C2CD5: variants seen among roughly 807,000 people sequenced by gnomAD.
C2CD5 encodes C2 domain-containing protein 5.
Under a neutral mutation model 130.3 loss-of-function variants are expected in C2CD5, and 109 were observed. That is an observed-to-expected ratio of 0.84 (90% CI 0.72 to 0.98). The LOEUF (loss-of-function observed/expected upper bound fraction) is 0.98. Ranked by LOEUF, C2CD5 falls within the 50% of genes least tolerant of loss-of-function variation. The probability of loss-of-function intolerance (pLI) is 0.00; values close to 1 mark genes in which losing one functional copy is unlikely to be tolerated. For missense variants in C2CD5, 996 were observed against 1,261.8 expected (o/e 0.79, Z 3.19); for synonymous variants, 454 against 429.2 (o/e 1.06, Z -0.71).
chr12:22,530,550 C>T (rs1951180425), intron 3 of C2CD5, among the ~76,000 whole-genome samples: 1 of 151,756 alleles, frequency 6.6e-6, no homozygotes, highest in Non-Finnish European at 1.5e-5. Context: ...CTCTGCCTCC[C>T]AGGTTCAAGC....
intron 6 of C2CD5, 141 bp downstream of exon 6, chr12:22,524,330 AG>A: frequency 1.5e-6 from 1 of 657,124 alleles, no homozygotes. Flanking sequence ...AAGTGTGTTC[AG>A]GAAGACTGGC....
intron 16 of C2CD5, among the ~76,000 whole-genome samples, chr12:22,474,178 A>C (rs1356072025): frequency 6.6e-6 from 1 of 152,160 alleles, no homozygotes; most frequent in South Asian, 2.1e-4. Context: ...AGAAAAATCT[A>C]TCTCTTTGGG....
chr12:22,449,790 T>C lies in C2CD5; in HGVS notation c.3126A>G (p.Ser1042=), dbSNP rs1420677148. The C allele has an allele frequency of 1.9e-6, 3 of 1,607,516 alleles. No homozygotes were observed. Among genetic ancestry groups the C allele is most frequent in the Non-Finnish European group, 2.6e-6 (3 of 1,175,262 alleles). Residue 1042 remains serine, a synonymous_variant, in exon 27 of 27, where the codon TCA becomes TCG. Coordinates refer to ENST00000446597, the MANE Select transcript of C2CD5 (RefSeq NM_001286176.2). ...TTGTAACTTCGCCTTCAGTACATGATGACTGGCAGTTGGTAGTAGGTTGCT... is the reference window on the plus strand; with the variant it reads ...TTGTAACTTCGCCTTCAGTACATGACGACTGGCAGTTGGTAGTAGGTTGCT... The part of the protein sequence containing the change: ...SSQQPTTNCQ[S]SCTEGEVTT
At chr12:22,519,086 C>T in intron 7 of C2CD5, 1 of 1,527,156 alleles carries the variant, frequency 6.5e-7, no homozygotes, top group South Asian at 1.2e-5. Flanking sequence ...CTGCATCTCC[C>T]CAGCTCTGGA....
At chr12:22,515,227 G>T (rs894339323) in intron 8 of C2CD5, 3 of 480,498 alleles carry the variant, frequency 6.2e-6, no homozygotes, top group Non-Finnish European at 8.1e-6. Flanking sequence ...AAGCAATGAT[G>T]AGGCAAAATA....
At chr12:22,504,390 C>T (rs1269184120) in intron 10 of C2CD5, among the ~76,000 whole-genome samples, 1 of 151,734 alleles carries the variant, frequency 6.6e-6, no homozygotes, top group East Asian at 1.9e-4. Context: ...CAACCTCCGC[C>T]TCCCGGTTTC....
intron 14 of C2CD5, among the ~76,000 whole-genome samples, chr12:22,481,430 G>A (rs1944689141): frequency 6.6e-6 from 1 of 152,124 alleles, no homozygotes; most frequent in East Asian, 1.9e-4. Flanking sequence ...TAGAAAATGA[G>A]AGAATTTCCA....
At position 22,472,747 on chromosome 12, in the gene C2CD5, A is replaced by G. The variant is rs1186369292; in HGVS notation, c.2104T>C (p.Ser702Pro). The G allele has an allele frequency of 1.3e-6, 2 of 1,546,974 alleles. No homozygotes were observed. The highest frequency in any genetic ancestry group is 1.8e-6 in the Non-Finnish European group (2 of 1,119,716). ...CAAAGATAACTTTTTTGTTCACCTGAAGGAGGAGGAACATCAGTAAGTAGA... is the reference window on the plus strand; with the variant it reads ...CAAAGATAACTTTTTTGTTCACCTGGAGGAGGAGGAACATCAGTAAGTAGA... The part of the protein sequence containing the change: ...HSLLTDVPPP[S>P]GFYSCNTEIM... Residue 702 changes from serine to proline, a missense_variant, in exon 17 of 27, where the codon TCA (serine) becomes CCA (proline). Ser to Pro is a moderately conservative substitution (Grantham distance 74). This residue lies in a region of C2CD5 where 590 missense variants were observed against 631.4 expected (regional missense o/e 0.93). Transcript: ENST00000446597.
chr12:22,471,265 C>T (rs1942983256), intron 20 of C2CD5, 134 bp downstream of exon 20: 5 of 614,632 alleles, frequency 8.1e-6, no homozygotes, highest in Non-Finnish European at 1.4e-5. Context: ...CTAATGCATA[C>T]TAACATATAT....
rs1472237626 is a variant in C2CD5, at chr12:22,527,330, A to ATATTT, written c.349+390_349+391insAAATA. 7.3e-3 allele frequency among the ~76,000 whole-genome samples: 1,002 copies of ATATTT among 138,120 alleles called. 24 individuals carry two copies. Among genetic ancestry groups the ATATTT allele is most frequent in the African/African-American group, 0.027 (958 of 35,616 alleles). 90.6% of individuals were successfully genotyped at this position (138,120 alleles called of 152,430 possible). ...ATATATTATATACATATATATATAT[A>ATATTT]TTTTTTTTTTTTTTTTTTGAGCTAG... On this transcript the variant is annotated intron_variant, in intron 4 of 26. Coordinates refer to ENST00000446597, the MANE Select transcript of C2CD5 (RefSeq NM_001286176.2).
intron 25 of C2CD5, among the ~76,000 whole-genome samples, chr12:22,454,347 C>G (rs1939345665): frequency 1.3e-5 from 2 of 152,136 alleles, no homozygotes; most frequent in Admixed American, 1.3e-4. Flanking sequence ...GGCAAGAATT[C>G]AAATTGTGCC....
chr12:22,499,222 TTTCTC>T (rs1435004473), intron 10 of C2CD5, among the ~76,000 whole-genome samples: 3 of 152,200 alleles, frequency 2.0e-5, no homozygotes, highest in Non-Finnish European at 4.4e-5. Context: ...TTCCCCTTTC[TTTCTC>T]TTGTCTTGAA....
intron 8 of C2CD5, among the ~76,000 whole-genome samples, chr12:22,516,620 T>C (rs1031102033): frequency 6.6e-5 from 10 of 150,644 alleles, no homozygotes; most frequent in Admixed American, 6.6e-4. Flanking sequence ...TTCCAAACTT[T>C]ATCTGTGGTA....
chr12:22,523,695 G>T (rs1950471602), intron 6 of C2CD5, 71 bp from the exon 7 acceptor site: 37 of 961,434 alleles, frequency 3.8e-5, no homozygotes, highest in East Asian at 5.3e-5. Context: ...GGACATGGTA[G>T]TGGTAAAAAA....
At chr12:22,516,460 T>C (rs943690673) in intron 8 of C2CD5, among the ~76,000 whole-genome samples, 14 of 151,504 alleles carry the variant, frequency 9.2e-5, no homozygotes, top group African/African-American at 3.1e-4. Context: ...GAGAATAAAT[T>C]TTTTTAAACT....
At chr12:22,459,390 C>T in intron 23 of C2CD5, 102 bp downstream of exon 23, 1 of 668,878 alleles carries the variant, frequency 1.5e-6, no homozygotes, top group Non-Finnish European at 2.5e-6. Flanking sequence ...GGTGTCTATT[C>T]CATATTGTCC....
At chr12:22,494,937 T>C (rs1480154214) in intron 10 of C2CD5, among the ~76,000 whole-genome samples, 1 of 152,060 alleles carries the variant, frequency 6.6e-6, no homozygotes, top group Non-Finnish European at 1.5e-5. Flanking sequence ...AATCTGAACA[T>C]CCATTTAACA....
intron 11 of C2CD5, among the ~76,000 whole-genome samples, chr12:22,492,889 AT>A (rs1327138547): frequency 6.6e-6 from 1 of 152,176 alleles, no homozygotes; most frequent in African/African-American, 2.4e-5. Flanking sequence ...GAAGAAGTTG[AT>A]ACAGTTACAT....
Position 22,453,982 on chromosome 12 carries a change from C to CTG in C2CD5, c.2937_2938insCA (p.Ala980GlnfsTer7). 1 of 1,613,520 alleles carries CTG rather than the reference C, an allele frequency of 6.2e-7. No individual in the cohort carries two copies. The highest frequency in any genetic ancestry group is 8.5e-7 in the Non-Finnish European group (1 of 1,179,560). On this transcript the variant is annotated frameshift_variant, in exon 26 of 27. Transcript: ENST00000446597. LOFTEE classifies it high-confidence loss of function. ...TTCCCTCCTAATGCAGCAACATGAG[C>CTG]TCTCACCATTGCAAACACTTCAGCA...
Sources: allele counts gnomAD v4.1 joint callset (sites outside exome capture counted in the v4.1 genomes callset), GRCh38; gene constraint gnomAD v4.1.1; regional missense constraint gnomAD v4.1.1; transcripts MANE v1.5; gene names NCBI Gene and HGNC (gene_info 2026-07-23, HGNC 2026-07-21).